CCDC61: variants seen among roughly 807,000 people sequenced by gnomAD.
CCDC61 encodes the protein centrosomal protein CCDC61.
CCDC61 carries 55 observed loss-of-function variants against 63.0 expected under a neutral mutation model. That is an observed-to-expected ratio of 0.87 (90% CI 0.70 to 1.09). The LOEUF (loss-of-function observed/expected upper bound fraction) is 1.09. Ranked by LOEUF, CCDC61 falls within the 50% of genes least tolerant of loss-of-function variation. The probability of loss-of-function intolerance (pLI) is 0.00; values close to 1 mark genes in which losing one functional copy is unlikely to be tolerated. For synonymous variants in CCDC61, 270 were observed against 317.0 expected (o/e 0.85, Z 1.58); for missense variants, 651 against 731.4 (o/e 0.89, Z 1.27).
chr19:46,016,605 T>G lies in CCDC61; in HGVS notation c.1092-89T>G. On this transcript the variant is annotated intron_variant, in intron 9 of 13. Coordinates refer to ENST00000595358, the MANE Select transcript of CCDC61 (RefSeq NM_001267723.2). This position sits in a 1 kb window ranked among gnomAD's most constrained non-coding sequence, Gnocchi z 7.2. ...TAGGCCTGTCACCTCAGGCTTTCGC[T>G]GGCGTGGCTGTGACCTTTAGGGGCG... 1 of 1,555,872 alleles carries G rather than the reference T, an allele frequency of 6.4e-7. No individual in the cohort carries two copies. Among genetic ancestry groups the G allele is most frequent in the Non-Finnish European group, 8.7e-7 (1 of 1,148,140 alleles).
At chr19:46,012,097 G>A (rs968782365) in intron 5 of CCDC61, among the ~76,000 whole-genome samples, 5 of 152,160 alleles carry the variant, frequency 3.3e-5, no homozygotes, top group African/African-American at 1.2e-4. Context: ...GTAAGCCACC[G>A]TGCCTGGCCT....
At chr19:46,011,259 A>G (rs1968824601) in intron 5 of CCDC61, among the ~76,000 whole-genome samples, 1 of 152,092 alleles carries the variant, frequency 6.6e-6, no homozygotes. Flanking sequence ...TGTGTTGCCC[A>G]GGCTGATCTT....
chr19:46,009,726 G>A (rs1377360685), intron 5 of CCDC61, among the ~76,000 whole-genome samples: 3 of 152,218 alleles, frequency 2.0e-5, no homozygotes, highest in Admixed American at 2.0e-4. Flanking sequence ...CTTTGGAGGA[G>A]CTCGCCTGTG....
intron 3 of CCDC61, among the ~76,000 whole-genome samples, chr19:46,005,797 T>C (rs1301087894): frequency 3.3e-5 from 5 of 152,154 alleles, no homozygotes; most frequent in Non-Finnish European, 4.4e-5. Context: ...AGTCGTTTTT[T>C]TTTTTCAAGT....
At chr19:46,009,098 G>A (rs972876551) in intron 5 of CCDC61, among the ~76,000 whole-genome samples, 1 of 152,192 alleles carries the variant, frequency 6.6e-6, no homozygotes, top group Non-Finnish European at 1.5e-5. Context: ...TGTGCTGTGG[G>A]AGGCTGTCAC....
At chr19:46,010,495 G>A (rs761381878) in intron 5 of CCDC61, among the ~76,000 whole-genome samples, 11 of 152,156 alleles carry the variant, frequency 7.2e-5, no homozygotes, top group Admixed American at 1.3e-4. Flanking sequence ...GAGTGGAGTC[G>A]TTCTTGCCAG....
At chr19:46,011,067 T>C (rs906879438) in intron 5 of CCDC61, among the ~76,000 whole-genome samples, 39 of 152,050 alleles carry the variant, frequency 2.6e-4, no homozygotes, top group Non-Finnish European at 7.4e-5. Context: ...TTTCTTTTTT[T>C]TTTTTTCAGT....
At chr19:46,006,522 G>A (rs748775227) in intron 3 of CCDC61, 37 bp from the exon 4 acceptor site, 20 of 1,467,132 alleles carry the variant, frequency 1.4e-5, no homozygotes, top group East Asian at 2.5e-5. Flanking sequence ...TGGCAGTGGC[G>A]GGTGCTGTGG....
chr19:46,008,319 G>T lies in CCDC61; in HGVS notation c.551+18G>T. On this transcript the variant is annotated intron_variant, in intron 5 of 13. Transcript: ENST00000595358. ...CGGGAGCAGTGAGTCTTGGAGGGGT[G>T]GGCAGCTGGGGCGGGTGGGGGCCCT... is the stretch of plus-strand genomic sequence containing the variant. 2.0e-6 allele frequency: 2 copies of T among 1,009,058 alleles called. No homozygotes were observed. The highest frequency in any genetic ancestry group is 2.9e-5 in the East Asian group (1 of 33,956). 62.5% of individuals were successfully genotyped at this position (1,009,058 alleles called of 1,614,324 possible).
intron 5 of CCDC61, among the ~76,000 whole-genome samples, chr19:46,010,786 C>T (rs1055204608): frequency 2.6e-5 from 4 of 152,218 alleles, no homozygotes; most frequent in African/African-American, 7.2e-5. Context: ...TACTGCCACC[C>T]CCTGCCCTGT....
Position 46,017,015 on chromosome 19 carries a change from C to T in CCDC61, c.1256C>T (p.Ser419Leu), listed in dbSNP as rs539339728. 98 of 1,612,328 alleles carry T rather than the reference C, an allele frequency of 6.1e-5. 1 individual carries two copies. In the East Asian group the frequency reaches 1.9e-3, roughly 30 times the overall value. The part of the protein sequence containing the change: ...SSVDSFRSRC[S>L]SASSCSDLED... Reference sequence around the variant, plus strand: ...GTGGACAGTTTCCGCAGCCGCTGCTCGTCTGCCAGCTCCTGCAGCGATTTG... The same window carrying T: ...GTGGACAGTTTCCGCAGCCGCTGCTTGTCTGCCAGCTCCTGCAGCGATTTG... The change falls in exon 11 of 14, where the codon TCG (serine) becomes TTG (leucine). Residue 419 changes from serine to leucine, a missense_variant. Physicochemically the swap from Ser to Leu is moderately radical, Grantham distance 145. Coordinates refer to ENST00000595358, the MANE Select transcript of CCDC61 (RefSeq NM_001267723.2).
intron 3 of CCDC61, among the ~76,000 whole-genome samples, chr19:46,005,773 T>C (rs1359456486): frequency 6.6e-6 from 1 of 152,086 alleles, no homozygotes; most frequent in East Asian, 1.9e-4. Context: ...TAAATAACCA[T>C]AGTTTTGTCT....
intron 3 of CCDC61, 100 bp downstream of exon 3, chr19:46,003,601 C>T: frequency 1.4e-6 from 1 of 725,404 alleles, no homozygotes; most frequent in Non-Finnish European, 2.3e-6. Flanking sequence ...CCTCTACCTT[C>T]TCTTTCATTG....
intron 5 of CCDC61, 25 bp downstream of exon 5, chr19:46,008,326 TG>T: frequency 2.2e-6 from 1 of 460,810 alleles, no homozygotes; most frequent in Non-Finnish European, 4.1e-6. Flanking sequence ...GGTGGGCAGC[TG>T]GGGCGGGTGG....
chr19:45,996,398 C>A, intron 1 of CCDC61: 1 of 151,532 alleles, frequency 6.6e-6, no homozygotes. Flanking sequence ...ATTCATCCTG[C>A]CAGGTACTAA....
At position 46,006,508 on chromosome 19, in the gene CCDC61, C is replaced by T. The variant is rs1041144172; in HGVS notation, c.232-51C>T. The T allele has an allele frequency of 6.3e-5, 92 of 1,468,700 alleles. No individual in the cohort carries two copies. The East Asian group carries it at 1.4e-3, about 22-fold the overall frequency. The allele number at this position is 1,468,700 out of a possible 1,614,324, so 91.0% of individuals were successfully genotyped here. A position where few individuals can be genotyped will look rare whatever the true frequency, so the allele number is the denominator to read the frequency against. On this transcript the variant is annotated intron_variant, in intron 3 of 13. Coordinates refer to ENST00000595358, the MANE Select transcript of CCDC61 (RefSeq NM_001267723.2). The stretch of plus-strand genomic sequence containing the variant: ...GCCCAGGTGTGTGCTAGGTGCCCTC[C>T]GTGTGGCAGTGGCGGGTGCTGTGGC...
At chr19:46,001,144 A>C (rs188961676) in intron 1 of CCDC61, among the ~76,000 whole-genome samples, 4 of 152,110 alleles carry the variant, frequency 2.6e-5, no homozygotes, top group Non-Finnish European at 4.4e-5. Flanking sequence ...GGGCGGGGCC[A>C]GTGCTGCCAC....
intron 1 of CCDC61, chr19:45,999,994 C>A (rs984478949): frequency 4.1e-6 from 4 of 983,522 alleles, no homozygotes; most frequent in African/African-American, 1.8e-5. Flanking sequence ...AGGCTCAGGA[C>A]TGGAATGAAA....
chr19:46,000,775 G>A (rs1248762892), intron 1 of CCDC61, among the ~76,000 whole-genome samples: 1 of 150,652 alleles, frequency 6.6e-6, no homozygotes, highest in South Asian at 2.1e-4. Flanking sequence ...GGGGAATTGA[G>A]TTTAGGCAGA....
Sources: gnomAD v4.1 joint callset for allele counts (sites outside exome capture counted in the v4.1 genomes callset) on GRCh38, gnomAD v4.1.1 for gene constraint, Gnocchi (gnomAD v3.1) non-coding constraint, MANE v1.5 for transcripts, NCBI Gene and HGNC (gene_info 2026-07-23, HGNC 2026-07-21) for gene names.